Variants in WDR72 observed in about 807,000 individuals in gnomAD.
The protein encoded by WDR72 is WD repeat domain 72, also known as WD repeat-containing protein 72.
Under a neutral mutation model 124.2 loss-of-function variants are expected in WDR72, and 120 were observed. The ratio of observed to expected loss-of-function variants is 0.97; its 90% confidence interval spans 0.83 to 1.12. The LOEUF is 1.12. Among genes scored for constraint, WDR72 ranks in the 50% most tolerant of loss-of-function variants. The probability of loss-of-function intolerance (pLI) is 0.00; values close to 1 mark genes in which losing one functional copy is unlikely to be tolerated. For synonymous variants in WDR72, 452 were observed against 441.7 expected, an observed-to-expected ratio of 1.02 and a Z score of -0.29; for missense variants, 1,387 against 1,278.8, an observed-to-expected ratio of 1.08 and a Z score of -1.29.
intron 14 of WDR72, among the ~76,000 whole-genome samples, chr15:53,644,356 G>A (rs1595815885): frequency 2.0e-5 from 3 of 152,086 alleles, no homozygotes; most frequent in South Asian, 2.1e-4. Flanking sequence ...TGAAGAGCTC[G>A]TTCATATTTC....
intron 3 of WDR72, among the ~76,000 whole-genome samples, chr15:53,722,097 C>T (rs2017892969): frequency 2.0e-5 from 3 of 151,512 alleles, no homozygotes; most frequent in Non-Finnish European, 4.4e-5. Context: ...GCAGTGGCGC[C>T]ATCTTAGCTC....
At position 53,613,655 on chromosome 15, in the gene WDR72, A is replaced by G; in HGVS notation, c.2872+11T>C. ...AAAATCAGATCATATCTGTGCCAGT[A>G]ACTCTCTTACCATTTCGTAAGCAAC... On this transcript the variant is annotated intron_variant, in intron 16 of 19. Coordinates refer to ENST00000360509, the MANE Select transcript of WDR72 (RefSeq NM_182758.4). 6.3e-7 allele frequency: 1 copy of G among 1,588,542 alleles called. No individual in the cohort carries two copies. Among genetic ancestry groups the G allele is most frequent in the Non-Finnish European group, 8.6e-7 (1 of 1,158,558 alleles).
chr15:53,615,394 T>C lies in WDR72; in HGVS notation c.2780+32A>G, dbSNP rs749855059. ...GATATATATTTTTAATGTCATAATC[T>C]AGTATAGTCAAAATCTCTAGGTATG... On this transcript the variant is annotated intron_variant, in intron 15 of 19. Coordinates refer to ENST00000360509, the MANE Select transcript of WDR72 (RefSeq NM_182758.4). 1.1e-5 allele frequency: 16 copies of C among 1,503,910 alleles called. No individual in the cohort carries two copies. In the Admixed American group the frequency reaches 1.9e-4, roughly 18 times the overall value. 93.2% of individuals were successfully genotyped at this position (1,503,910 alleles called of 1,614,324 possible).
chr15:53,756,199 T>C (rs1255215360), intron 1 of WDR72, among the ~76,000 whole-genome samples: 4 of 152,128 alleles, frequency 2.6e-5, no homozygotes, highest in African/African-American at 9.7e-5. Flanking sequence ...GTTTCCCCCA[T>C]GCTGTTCTCG....
chr15:53,549,360 T>C (rs541065071), intron 18 of WDR72, among the ~76,000 whole-genome samples: 1 of 152,346 alleles, frequency 6.6e-6, no homozygotes, highest in South Asian at 2.1e-4. Context: ...AGAGTGTAGC[T>C]GATAGACTCT....
At chr15:53,600,070 G>C (rs1005010691) in intron 17 of WDR72, among the ~76,000 whole-genome samples, 7 of 152,124 alleles carry the variant, frequency 4.6e-5, no homozygotes, top group Non-Finnish European at 7.4e-5. Context: ...AACTCAGTGT[G>C]AGATGAGAGA....
chr15:53,591,242 C>A lies in WDR72; in HGVS notation c.3148+5837G>T, dbSNP rs543750469. 1.8e-4 allele frequency among the ~76,000 whole-genome samples: 28 copies of A among 152,122 alleles called. No individual in the cohort carries two copies. The South Asian group carries it at 5.4e-3, about 29-fold the overall frequency. On this transcript the variant is annotated intron_variant, in intron 18 of 19. Coordinates refer to ENST00000360509, the MANE Select transcript of WDR72 (RefSeq NM_182758.4). ...TGACACACTTTTATGGTTAATGATT[C>A]TAGTTTGTATCCTCAGCTAAAGAAT...
chr15:53,579,877 G>A (rs1021564639), intron 18 of WDR72, among the ~76,000 whole-genome samples: 2 of 152,108 alleles, frequency 1.3e-5, no homozygotes, highest in African/African-American at 4.8e-5. Context: ...ATCAAGGGCT[G>A]GGGCCAACAG....
At chr15:53,703,908 C>T (rs975892538) in intron 11 of WDR72, among the ~76,000 whole-genome samples, 5 of 152,162 alleles carry the variant, frequency 3.3e-5, no homozygotes, top group African/African-American at 1.2e-4. Flanking sequence ...TCAAATATGG[C>T]TTTTTCTTGC....
intron 13 of WDR72, among the ~76,000 whole-genome samples, chr15:53,676,206 T>A (rs2016166685): frequency 1.3e-5 from 2 of 152,156 alleles, no homozygotes; most frequent in Admixed American, 1.3e-4. Flanking sequence ...TGACCACTAA[T>A]GTAATAGGAA....
At position 53,669,382 on chromosome 15, in the gene WDR72, G is replaced by A. The variant is rs186903087; in HGVS notation, c.1766-3614C>T. On this transcript the variant is annotated intron_variant, in intron 13 of 19. Transcript: ENST00000360509. ...CAAGGTCAGGAACTTAGCCCTAGGG[G>A]GTGGAGGGGGGTCTTTCTTGGTTTC... Among the ~76,000 whole-genome samples the A allele has an allele frequency of 1.8e-4, 27 of 152,208 alleles. No homozygotes were observed. In the South Asian group the frequency reaches 1.9e-3, roughly 11 times the overall value.
rs1005924717 is a variant in WDR72 at position 53,515,611 on chromosome 15, T to G, written c.*2088A>C. 3 of 152,186 alleles carry G rather than the reference T, an allele frequency of 2.0e-5. No individual in the cohort carries two copies. In the East Asian group the frequency reaches 5.8e-4, roughly 29 times the overall value. The allele number at this position is 152,186 out of a possible 1,614,324, so 9.4% of individuals were successfully genotyped here. A position where few individuals can be genotyped will look rare whatever the true frequency, so the allele number is the denominator to read the frequency against. ...ATTGATAAAAGCAAACCTTAGTCAT[T>G]TAACAGGAATGTTTAAATTTTAGAG... is the stretch of plus-strand genomic sequence containing the variant. On this transcript the variant is annotated 3_prime_UTR_variant, in exon 20 of 20. Coordinates refer to ENST00000360509, the MANE Select transcript of WDR72 (RefSeq NM_182758.4).
At chr15:53,722,080 C>T (rs996513551) in intron 3 of WDR72, among the ~76,000 whole-genome samples, 18 of 151,858 alleles carry the variant, frequency 1.2e-4, no homozygotes, top group African/African-American at 3.6e-4. Flanking sequence ...GTCGCCCAGG[C>T]TGGAGTGCAG....
rs562869592 is a variant in WDR72, at chr15:53,718,723, A to T, written c.261-2038T>A. 8.1e-5 allele frequency among the ~76,000 whole-genome samples: 12 copies of T among 147,798 alleles called. No individual in the cohort carries two copies. In the East Asian group the frequency reaches 2.3e-3, roughly 29 times the overall value. Reference sequence around the variant, plus strand: ...TACATAGCTAAAATCACATTCTGTTATAAAAAAATTAAATTTAAGAATTTT... The same window carrying T: ...TACATAGCTAAAATCACATTCTGTTTTAAAAAAATTAAATTTAAGAATTTT... On this transcript the variant is annotated intron_variant, in intron 3 of 19. Transcript: ENST00000360509.
intron 18 of WDR72, among the ~76,000 whole-genome samples, chr15:53,547,897 C>T (rs181844532): frequency 1.1e-3 from 170 of 152,118 alleles, no homozygotes; most frequent in Middle Eastern, 3.4e-3. Flanking sequence ...CAAAAGAAAA[C>T]TAGGGTGCTC....
intron 18 of WDR72, among the ~76,000 whole-genome samples, chr15:53,526,890 T>C (rs1892149210): frequency 6.6e-6 from 1 of 152,074 alleles, no homozygotes; most frequent in African/African-American, 2.4e-5. Context: ...AAACTCTTCT[T>C]GACAGTTCTG....
intron 12 of WDR72, among the ~76,000 whole-genome samples, chr15:53,701,029 T>C (rs932712538): frequency 1.3e-5 from 2 of 152,210 alleles, no homozygotes; most frequent in Admixed American, 1.3e-4. Flanking sequence ...AAAATCATTT[T>C]ACCTGTGTTA....
At chr15:53,599,019 G>A (rs1031668488) in intron 17 of WDR72, among the ~76,000 whole-genome samples, 2 of 152,002 alleles carry the variant, frequency 1.3e-5, no homozygotes, top group East Asian at 3.9e-4. Context: ...GGCTACTCAG[G>A]AGGCTGAGAC....
At chr15:53,674,982 G>T (rs2016117708) in intron 13 of WDR72, among the ~76,000 whole-genome samples, 1 of 152,166 alleles carries the variant, frequency 6.6e-6, no homozygotes, top group South Asian at 2.1e-4. Flanking sequence ...GTTTAAAGTT[G>T]CTGAGATGTG....
Sources: allele counts gnomAD v4.1 joint callset (sites outside exome capture counted in the v4.1 genomes callset), GRCh38; gene constraint gnomAD v4.1.1; transcripts MANE v1.5; gene names NCBI Gene and HGNC (gene_info 2026-07-23, HGNC 2026-07-21).